CACNA2D3: variants seen among roughly 807,000 people sequenced by gnomAD.
The protein encoded by CACNA2D3 is voltage-dependent calcium channel subunit alpha-2/delta-3.
Under a neutral mutation model 160.6 loss-of-function variants are expected in CACNA2D3, and 60 were observed. The ratio of observed to expected loss-of-function variants is 0.37; its 90% confidence interval spans 0.30 to 0.46. The LOEUF (loss-of-function observed/expected upper bound fraction) is 0.46. CACNA2D3 is among the 20% of genes least tolerant of loss of function. The pLI is 1.00. For synonymous variants in CACNA2D3, 558 were observed against 492.9 expected (o/e 1.13, Z -1.75); for missense variants, 1,205 against 1,365.0 (o/e 0.88, Z 1.85).
At chr3:54,386,523 T>G (rs1699188699) in intron 3 of CACNA2D3, among the ~76,000 whole-genome samples, 192 bp from the exon 4 acceptor site, 1 of 152,174 alleles carries the variant, frequency 6.6e-6, no homozygotes, top group Non-Finnish European at 1.5e-5. Context: ...GAAGAATTAT[T>G]GATTGAATGA....
chr3:54,494,161 A>G (rs1701160907), intron 4 of CACNA2D3, among the ~76,000 whole-genome samples: 1 of 152,256 alleles, frequency 6.6e-6, no homozygotes, highest in Non-Finnish European at 1.5e-5. Context: ...ATGGGGAACA[A>G]GGATTCAGAA....
At chr3:54,393,108 G>GC (rs1385319223) in intron 4 of CACNA2D3, among the ~76,000 whole-genome samples, 1 of 152,192 alleles carries the variant, frequency 6.6e-6, no homozygotes, top group African/African-American at 2.4e-5. Flanking sequence ...GAGAAGGGAA[G>GC]CGCCTTGCTT....
intron 8 of CACNA2D3, 81 bp downstream of exon 8, chr3:54,570,185 G>C: frequency 2.2e-6 from 3 of 1,388,740 alleles, no homozygotes; most frequent in Non-Finnish European, 3.0e-6. Flanking sequence ...TGCTCTCGCT[G>C]TTAGATCCAG....
chr3:54,410,887 A>G (rs1467301259), intron 4 of CACNA2D3, among the ~76,000 whole-genome samples: 1 of 152,226 alleles, frequency 6.6e-6, no homozygotes, highest in Non-Finnish European at 1.5e-5. Flanking sequence ...GCTTTTGGAA[A>G]GGATTCACCA....
At chr3:54,785,282 C>T (rs759189324) in intron 13 of CACNA2D3, among the ~76,000 whole-genome samples, 3 of 152,104 alleles carry the variant, frequency 2.0e-5, no homozygotes, top group Non-Finnish European at 4.4e-5. Context: ...TTTCTCCCCT[C>T]CTATGTTATG....
chr3:54,535,691 CT>C (rs1701878752), intron 5 of CACNA2D3, among the ~76,000 whole-genome samples: 1 of 152,124 alleles, frequency 6.6e-6, no homozygotes, highest in South Asian at 2.1e-4. Context: ...TCACTTTATG[CT>C]GTTGAATATT....
At chr3:54,560,080 T>C (rs1702301801) in intron 5 of CACNA2D3, among the ~76,000 whole-genome samples, 1 of 152,240 alleles carries the variant, frequency 6.6e-6, no homozygotes, top group Non-Finnish European at 1.5e-5. Context: ...GACTGATTTA[T>C]ACTCCTTTGA....
At chr3:54,145,304 G>A (rs1264175456) in intron 2 of CACNA2D3, among the ~76,000 whole-genome samples, 2 of 152,246 alleles carry the variant, frequency 1.3e-5, no homozygotes, top group African/African-American at 4.8e-5. Context: ...ATGCGAAGTT[G>A]CGCTGTGCAC....
At chr3:54,710,555 T>C (rs1391082781) in intron 11 of CACNA2D3, among the ~76,000 whole-genome samples, 1 of 152,156 alleles carries the variant, frequency 6.6e-6, no homozygotes, top group Non-Finnish European at 1.5e-5. Context: ...TTTCTGTTCA[T>C]ATTCCATTGT....
intron 26 of CACNA2D3, 40 bp downstream of exon 26, chr3:54,896,910 C>A: frequency 6.2e-7 from 1 of 1,613,198 alleles, no homozygotes. Context: ...TCTGTCTGGT[C>A]CAGTGGGTCT....
chr3:54,738,842 T>C (rs546795730), intron 11 of CACNA2D3, among the ~76,000 whole-genome samples: 2 of 152,224 alleles, frequency 1.3e-5, no homozygotes, highest in Non-Finnish European at 2.9e-5. Context: ...TTAACTTTTC[T>C]TGCTTTTCTC....
intron 3 of CACNA2D3, among the ~76,000 whole-genome samples, chr3:54,352,274 A>G (rs1698578087): frequency 1.3e-5 from 2 of 152,146 alleles, no homozygotes; most frequent in Admixed American, 6.5e-5. Flanking sequence ...TAAAGGTGGT[A>G]GTAGCACCTA....
chr3:54,936,639 A>C (rs147577270), intron 27 of CACNA2D3, among the ~76,000 whole-genome samples: 5 of 152,032 alleles, frequency 3.3e-5, no homozygotes, highest in African/African-American at 1.2e-4. Flanking sequence ...TACCTACTAC[A>C]TGCTCGTGCT....
chr3:54,478,434 C>G (rs899910426), intron 4 of CACNA2D3, among the ~76,000 whole-genome samples: 2 of 151,606 alleles, frequency 1.3e-5, no homozygotes, highest in African/African-American at 4.8e-5. Flanking sequence ...AGATTGAGAC[C>G]ATCCTCGCTA....
rs1295361854 is a variant in CACNA2D3, at chr3:54,687,103, ATTTTTC to A, written c.1167+44880_1167+44885del. Among the ~76,000 whole-genome samples the A allele has an allele frequency of 5.1e-4, 51 of 99,984 alleles. 1 individual carries two copies. Among genetic ancestry groups the A allele is most frequent in the Non-Finnish European group, 7.7e-4 (37 of 47,976 alleles). 65.6% of individuals were successfully genotyped at this position (99,984 alleles called of 152,430 possible). On this transcript the variant is annotated intron_variant, in intron 11 of 37. Coordinates refer to ENST00000474759, the MANE Select transcript of CACNA2D3 (RefSeq NM_018398.3). ...CAAAGTATTCTGTTATTCAAATCGG[ATTTTTC>A]TTTTTCTTTTTCTTTTTTTTTTTTT... is the stretch of plus-strand genomic sequence containing the variant.
chr3:54,595,359 GT>G (rs989009781), intron 9 of CACNA2D3, among the ~76,000 whole-genome samples: 1 of 144,038 alleles, frequency 6.9e-6, no homozygotes, highest in Non-Finnish European at 1.5e-5. Context: ...TGTGTGTATG[GT>G]TGTGGATATG....
intron 13 of CACNA2D3, among the ~76,000 whole-genome samples, chr3:54,815,012 T>G (rs754762910): frequency 6.6e-6 from 1 of 152,378 alleles, no homozygotes; most frequent in East Asian, 1.9e-4. Flanking sequence ...TTCCACAATG[T>G]TCATGTATCC....
chr3:54,183,739 G>A (rs1376595629), intron 2 of CACNA2D3, among the ~76,000 whole-genome samples: 1 of 151,676 alleles, frequency 6.6e-6, no homozygotes, highest in African/African-American at 2.4e-5. Flanking sequence ...ACAAAAATTA[G>A]CCGGACATGG....
At chr3:54,790,123 A>C (rs1308648027) in intron 13 of CACNA2D3, among the ~76,000 whole-genome samples, 1 of 152,222 alleles carries the variant, frequency 6.6e-6, no homozygotes, top group African/African-American at 2.4e-5. Context: ...CCCTGGAGCC[A>C]GAGGACCCGG....
Sources: allele counts gnomAD v4.1 joint callset (sites outside exome capture counted in the v4.1 genomes callset), GRCh38; gene constraint gnomAD v4.1.1; transcripts MANE v1.5; gene names NCBI Gene and HGNC (gene_info 2026-07-23, HGNC 2026-07-21).